MPRIP: variants seen among roughly 807,000 people sequenced by gnomAD.
MPRIP encodes the protein myosin phosphatase Rho interacting protein.
In MPRIP, 59 loss-of-function variants were observed where a neutral mutation model predicts 234.9. The ratio of observed to expected loss-of-function variants is 0.25; its 90% CI spans 0.20 to 0.31. The LOEUF is 0.31. Among genes scored for constraint, MPRIP ranks in the 10% least tolerant of loss-of-function variants. The probability of loss-of-function intolerance (pLI) is 1.00; values close to 1 mark genes in which losing one functional copy is unlikely to be tolerated. For synonymous variants in MPRIP, 1,144 were observed against 1,263.9 expected, an observed-to-expected ratio of 0.91 and a Z score of 2.01; for missense variants, 2,436 against 3,071.0, an observed-to-expected ratio of 0.79 and a Z score of 4.89.
Position 17,138,093 on chromosome 17 carries a change from C to T in MPRIP, c.914C>T (p.Ser305Leu), listed in dbSNP as rs745987474. The stretch of plus-strand genomic sequence containing the variant: ...AACCACAGGTACAGTTGCCCCGAGT[C>T]GCCCTCCCAGGAGCTCGGTGGTCCT... ...TPNHRYSCPESPSQELGGPLP... is the reference protein window; with the variant it reads ...TPNHRYSCPELPSQELGGPLP... The change falls in exon 7 of 24, where the codon TCG becomes TTG. Residue 305 changes from serine (S) to leucine (L), a missense_variant. This residue lies in a region of MPRIP where 267 missense variants were observed against 252.7 expected (regional missense o/e 1.06). Coordinates refer to ENST00000651222, the MANE Select transcript of MPRIP (RefSeq NM_001364716.4). This position sits in a 1 kb window ranked among gnomAD's most constrained non-coding sequence, Gnocchi z 5.8. The T allele has an allele frequency of 5.1e-6, 8 of 1,563,350 alleles. No individual in the cohort carries two copies. Among genetic ancestry groups the T allele is most frequent in the Admixed American group, 1.8e-5 (1 of 54,282 alleles).
At chr17:17,070,680 T>C (rs1028742780) in intron 1 of MPRIP, among the ~76,000 whole-genome samples, 3 of 152,284 alleles carry the variant, frequency 2.0e-5, no homozygotes, top group African/African-American at 7.2e-5. Flanking sequence ...TGAAGCATTT[T>C]ATCATGGGTG....
At position 17,078,860 on chromosome 17, in the gene MPRIP, A is replaced by G. The variant is rs536378667; in HGVS notation, c.267+784A>G. ...GATGCGAGATTTGATCGCCTTTTCC[A>G]GTTCCACTTGGTGGGTGAATGTTTG... is the stretch of plus-strand genomic sequence containing the variant. On this transcript the variant is annotated intron_variant, in intron 3 of 23. Transcript: ENST00000651222. This position sits in a 1 kb window ranked among gnomAD's most constrained non-coding sequence, Gnocchi z 4.3. 3.3e-5 allele frequency among the ~76,000 whole-genome samples: 5 copies of G among 152,350 alleles called. No individual in the cohort carries two copies. Among genetic ancestry groups the G allele is most frequent in the Admixed American group, 6.5e-5 (1 of 15,302 alleles).
At chr17:17,113,904 T>TTA (rs1555572958) in intron 3 of MPRIP, among the ~76,000 whole-genome samples, 1 of 146,620 alleles carries the variant, frequency 6.8e-6, no homozygotes, top group Admixed American at 6.8e-5. Flanking sequence ...TTTTTTTTTT[T>TTA]ACTTAAGAGA....
At chr17:17,182,861 C>CG (rs2046401040) in intron 23 of MPRIP, 3 of 152,450 alleles carry the variant, frequency 2.0e-5, no homozygotes, top group Admixed American at 2.0e-4. Context: ...AAGCAGGAAC[C>CG]GGGATGTCAG....
chr17:17,136,209 C>T lies in MPRIP; in HGVS notation c.505-10C>T, dbSNP rs1380688573. The T allele has an allele frequency of 1.2e-6, 2 of 1,613,822 alleles. No homozygotes were observed. The highest frequency in any genetic ancestry group is 8.5e-7 in the Non-Finnish European group (1 of 1,179,994). ...TGCACCTTCACAGACACCACTTTCT[C>T]CTCCTCCAGGAGCCTGGGCCTGCCA... is the stretch of plus-strand genomic sequence containing the variant. On this transcript the variant is annotated splice_polypyrimidine_tract_variant and intron_variant, in intron 5 of 23. Transcript: ENST00000651222.
At chr17:17,168,496 C>T in intron 16 of MPRIP, 1 of 305,758 alleles carries the variant, frequency 3.3e-6, no homozygotes, top group Admixed American at 4.9e-5. Context: ...TCCAGCCACT[C>T]CTGTCCCCTT....
intron 1 of MPRIP, among the ~76,000 whole-genome samples, chr17:17,055,042 C>T (rs1473297356): frequency 6.6e-6 from 1 of 150,758 alleles, no homozygotes; most frequent in Non-Finnish European, 1.5e-5. Flanking sequence ...AGAACGAGAC[C>T]CTGTATCAAA....
chr17:17,043,048 C>A, intron 1 of MPRIP, 77 bp downstream of exon 1: 2 of 1,414,716 alleles, frequency 1.4e-6, no homozygotes, highest in Non-Finnish European at 2.0e-6. Context: ...CCAAGGGCTG[C>A]AGGGAAAATA....
rs559865994 is a variant in MPRIP at position 17,124,398 on chromosome 17, C to G, written c.268-2304C>G. On this transcript the variant is annotated intron_variant, in intron 3 of 23. Coordinates refer to ENST00000651222, the MANE Select transcript of MPRIP (RefSeq NM_001364716.4). Reference sequence around the variant, plus strand: ...GATATATTCCATCTAACATATGTCTCTGTGTGTGTGTGTGCACACGCATGC... The same window carrying G: ...GATATATTCCATCTAACATATGTCTGTGTGTGTGTGTGTGCACACGCATGC... Among the ~76,000 whole-genome samples the G allele has an allele frequency of 6.6e-5, 10 of 152,060 alleles. No individual in the cohort carries two copies. In the East Asian group the frequency reaches 1.3e-3, roughly 21 times the overall value.
At chr17:17,106,714 C>T (rs182290105) in intron 3 of MPRIP, among the ~76,000 whole-genome samples, 10 of 152,282 alleles carry the variant, frequency 6.6e-5, no homozygotes, top group South Asian at 6.2e-4. Context: ...GGAAAAAAGA[C>T]GCCACACATG....
chr17:17,100,085 A>G (rs888349958), intron 3 of MPRIP, among the ~76,000 whole-genome samples: 1 of 152,166 alleles, frequency 6.6e-6, no homozygotes, highest in Admixed American at 6.5e-5. Flanking sequence ...GGTGGCTCTG[A>G]CCAGGCTCCA....
chr17:17,045,869 G>T (rs1414376134), intron 1 of MPRIP, among the ~76,000 whole-genome samples: 5 of 150,694 alleles, frequency 3.3e-5, no homozygotes, highest in African/African-American at 7.3e-5. Flanking sequence ...GCAGTGGCGC[G>T]ATCTGAGCTC....
intron 3 of MPRIP, among the ~76,000 whole-genome samples, chr17:17,113,328 CA>C (rs886650673): frequency 6.6e-6 from 1 of 152,216 alleles, no homozygotes; most frequent in African/African-American, 2.4e-5. Flanking sequence ...CTCACCCTGG[CA>C]ACCACCATTC....
chr17:17,167,730 C>A lies in MPRIP; in HGVS notation c.6139C>A (p.Pro2047Thr), dbSNP rs755059736. 891 of 1,304,054 alleles carry A rather than the reference C, an allele frequency of 6.8e-4. 1 individual carries two copies. The highest frequency in any genetic ancestry group is 7.9e-4 in the Non-Finnish European group (777 of 988,956). 80.8% of individuals were successfully genotyped at this position (1,304,054 alleles called of 1,614,324 possible). A position where few individuals can be genotyped will look rare whatever the true frequency, so the allele number is the denominator to read the frequency against. ...LHQGPHPKALPAPAPNWQATQ... is the reference protein window; with the variant it reads ...LHQGPHPKALTAPAPNWQATQ... ...CCAGGGGCCACACCCCAAGGCCCTG[C>A]CAGCCCCTGCCCCCAACTGGCAGGC... The change falls in exon 16 of 24, where the codon CCA becomes ACA. Residue 2047 changes from proline to threonine, a missense_variant. Around this residue, in one of 4 missense-constraint regions of MPRIP, gnomAD observed 1,998 missense variants for 2,520.3 expected, o/e 0.79. Coordinates refer to ENST00000651222, the MANE Select transcript of MPRIP (RefSeq NM_001364716.4). The surrounding 1 kb of genome is among the most constrained non-coding windows in gnomAD (Gnocchi z 5.9).
At chr17:17,105,505 G>T (rs1212296999) in intron 3 of MPRIP, among the ~76,000 whole-genome samples, 1 of 152,196 alleles carries the variant, frequency 6.6e-6, no homozygotes, top group African/African-American at 2.4e-5. Flanking sequence ...GTAGAGGTGA[G>T]GTCCCTGTTC....
At chr17:17,140,358 C>T (rs558139758) in intron 7 of MPRIP, among the ~76,000 whole-genome samples, 6 of 152,286 alleles carry the variant, frequency 3.9e-5, no homozygotes, top group Admixed American at 2.0e-4. Context: ...CACTGCCACA[C>T]GGGGATGGGT....
chr17:17,138,116 C>A lies in MPRIP; in HGVS notation c.937C>A (p.Pro313Thr). 1 of 1,519,870 alleles carries A rather than the reference C, an allele frequency of 6.6e-7. No homozygotes were observed. The highest frequency in any genetic ancestry group is 8.9e-7 in the Non-Finnish European group (1 of 1,127,348). 94.1% of individuals were successfully genotyped at this position (1,519,870 alleles called of 1,614,324 possible). ...PESPSQELGG[P>T]LPSPGPRLPH... ...GTCGCCCTCCCAGGAGCTCGGTGGT[C>A]CTCTTCCTTCCCCAGGTCCTCGACT... is the stretch of plus-strand genomic sequence containing the variant. Residue 313 changes from proline to threonine, a missense_variant, in exon 7 of 24, where the codon CCT becomes ACT. Coordinates refer to ENST00000651222, the MANE Select transcript of MPRIP (RefSeq NM_001364716.4). The surrounding 1 kb of genome is among the most constrained non-coding windows in gnomAD (Gnocchi z 5.8).
chr17:17,163,970 GA>G (rs1220338345), intron 15 of MPRIP, 138 bp from the exon 16 acceptor site: 135 of 443,322 alleles, frequency 3.0e-4, no homozygotes, highest in South Asian at 5.6e-4. Context: ...TTTTTAATGG[GA>G]AAAAAAAATA....
intron 3 of MPRIP, among the ~76,000 whole-genome samples, chr17:17,101,304 A>G (rs2089954680): frequency 6.6e-6 from 1 of 152,230 alleles, no homozygotes; most frequent in African/African-American, 2.4e-5. Flanking sequence ...GGTGGCCCAC[A>G]CCTGTAATCC....
Sources: allele counts gnomAD v4.1 joint callset (sites outside exome capture counted in the v4.1 genomes callset), GRCh38; gene constraint gnomAD v4.1.1; regional missense constraint gnomAD v4.1.1; non-coding constraint Gnocchi (gnomAD v3.1); transcripts MANE v1.5; gene names NCBI Gene and HGNC (gene_info 2026-07-23, HGNC 2026-07-21).